Variants in HPS1 observed in about 807,000 individuals in gnomAD.
The protein encoded by HPS1 is HPS1 biogenesis of lysosomal organelles complex 3 subunit 1, also known as BLOC-3 complex member HPS1.
HPS1 carries 59 observed loss-of-function variants against 90.6 expected under a neutral mutation model. The ratio of observed to expected loss-of-function variants is 0.65; its 90% CI spans 0.53 to 0.81. The LOEUF (loss-of-function observed/expected upper bound fraction) is 0.81, where lower values mean the gene tolerates loss of function less well. HPS1 is among the 30% of genes least tolerant of loss of function. The pLI, the probability that HPS1 is intolerant of heterozygous loss-of-function variation, is 0.00. For missense variants in HPS1, 849 were observed against 896.7 expected (o/e 0.95, Z 0.68); for synonymous variants, 388 against 384.4 (o/e 1.01, Z -0.11).
At chr10:98,426,390 G>A (rs2136161557) in intron 11 of HPS1, among the ~76,000 whole-genome samples, 1 of 152,344 alleles carries the variant, frequency 6.6e-6, no homozygotes, top group South Asian at 2.1e-4. Context: ...CATCCCAACA[G>A]CCACTCAAAT....
chr10:98,427,116 C>T (rs553394750), intron 11 of HPS1, 99 bp downstream of exon 11: 71 of 1,010,720 alleles, frequency 7.0e-5, no homozygotes, highest in African/African-American at 6.9e-4. Context: ...AGGGCTGGCA[C>T]GGGTAGAGTC....
chr10:98,424,531 C>G (rs891332656), intron 13 of HPS1, among the ~76,000 whole-genome samples, 157 bp from the exon 14 acceptor site: 1 of 152,198 alleles, frequency 6.6e-6, no homozygotes, highest in Non-Finnish European at 1.5e-5. Context: ...CCCCACCAGC[C>G]CCCTGCAGAC....
chr10:98,440,711 A>T (rs1938268446), intron 3 of HPS1, among the ~76,000 whole-genome samples: 1 of 151,748 alleles, frequency 6.6e-6, no homozygotes, highest in Non-Finnish European at 1.5e-5. Context: ...TGAGAAAAGA[A>T]TGTGTTGCAC....
At chr10:98,418,143 T>A (rs1844352489) in intron 19 of HPS1, 32 bp downstream of exon 19, 1 of 1,430,204 alleles carries the variant, frequency 7.0e-7, no homozygotes, top group Non-Finnish European at 9.8e-7. Context: ...AATGGGGGCA[T>A]CTGTCCCCAG....
intron 3 of HPS1, chr10:98,442,821 T>C (rs1324359544): frequency 4.9e-6 from 2 of 408,166 alleles, no homozygotes; most frequent in African/African-American, 4.1e-5. Flanking sequence ...TTAAACTTTT[T>C]AGGTTACAGA....
intron 11 of HPS1, 164 bp from the exon 12 acceptor site, chr10:98,426,149 G>A (rs796474882): frequency 3.1e-6 from 2 of 640,184 alleles, no homozygotes; most frequent in South Asian, 1.9e-5. Flanking sequence ...CTCCAGTTTC[G>A]CTGTTGCCCC....
chr10:98,422,758 C>T (rs1042510205), intron 16 of HPS1, among the ~76,000 whole-genome samples: 1 of 152,194 alleles, frequency 6.6e-6, no homozygotes, highest in African/African-American at 2.4e-5. Context: ...GCAGTTCTGG[C>T]CCTACAGGAA....
At chr10:98,420,835 T>A (rs1844751159) in intron 17 of HPS1, among the ~76,000 whole-genome samples, 1 of 152,182 alleles carries the variant, frequency 6.6e-6, no homozygotes, top group Non-Finnish European at 1.5e-5. Flanking sequence ...AATCCCCTCC[T>A]CTGCCTGGGG....
chr10:98,446,506 C>CA (rs1303228228), intron 1 of HPS1, among the ~76,000 whole-genome samples: 3 of 152,214 alleles, frequency 2.0e-5, no homozygotes, highest in Non-Finnish European at 2.9e-5. Flanking sequence ...TCTGGGGTCC[C>CA]ACACCTTCGG....
intron 6 of HPS1, among the ~76,000 whole-genome samples, chr10:98,433,639 GT>G (rs1591107712): frequency 6.6e-6 from 1 of 152,066 alleles, no homozygotes; most frequent in Non-Finnish European, 1.5e-5. Context: ...TTAGCGCTGT[GT>G]TTTTCTCCAC....
chr10:98,427,201 C>A lies in HPS1; in HGVS notation c.987+14G>T, dbSNP rs374726162. The A allele has an allele frequency of 7.7e-6, 12 of 1,550,176 alleles. No individual in the cohort carries two copies. The highest frequency in any genetic ancestry group is 4.1e-5 in the African/African-American group (3 of 73,024). On this transcript the variant is annotated intron_variant, in intron 11 of 19. Coordinates refer to ENST00000361490, the MANE Select transcript of HPS1 (RefSeq NM_000195.5). ...AGATCAGCTGGCGCCCAGGCAGGCA[C>A]AGGAGAAACTCACCTGAAGGGCATC...
intron 2 of HPS1, 28 bp from the exon 3 acceptor site, chr10:98,443,268 A>G: frequency 6.5e-7 from 1 of 1,546,480 alleles, no homozygotes; most frequent in Non-Finnish European, 8.9e-7. Context: ...GGTCAAGGTC[A>G]GCCTCCAGCC....
chr10:98,433,412 G>A (rs1289464677), intron 6 of HPS1, among the ~76,000 whole-genome samples: 1 of 152,116 alleles, frequency 6.6e-6, no homozygotes, highest in East Asian at 1.9e-4. Context: ...CTTTAGGAAG[G>A]CAAGGAGTGC....
At chr10:98,444,234 A>G (rs1939030003) in intron 2 of HPS1, among the ~76,000 whole-genome samples, 1 of 151,982 alleles carries the variant, frequency 6.6e-6, no homozygotes, top group African/African-American at 2.4e-5. Flanking sequence ...CAGTGTCTTC[A>G]GCCCTCCCAA....
At chr10:98,439,670 G>T (rs924282938) in intron 3 of HPS1, among the ~76,000 whole-genome samples, 4 of 152,128 alleles carry the variant, frequency 2.6e-5, no homozygotes, top group African/African-American at 9.7e-5. Context: ...CTTCAGTCTT[G>T]GACTTTTTGG....
rs200031327 is a variant in HPS1 at position 98,418,221 on chromosome 10, A to C, written c.1894T>G (p.Ser632Ala). The C allele has an allele frequency of 3.7e-6, 6 of 1,611,024 alleles. No homozygotes were observed. In the Admixed American group the frequency reaches 1.0e-4, roughly 27 times the overall value. ...ATGCCGATAGGCACTGAGTCGTCGG[A>C]GAGGACGGGCACCTCGATCATCTGG... ...KLQMIEVPVL[S>A]DDSVPIGMLG... Residue 632 changes from serine (S) to alanine (A), a missense_variant, in exon 19 of 20, where the codon TCC becomes GCC. Transcript: ENST00000361490.
At chr10:98,428,015 A>G (rs902490667) in intron 10 of HPS1, among the ~76,000 whole-genome samples, 4 of 152,192 alleles carry the variant, frequency 2.6e-5, no homozygotes, top group African/African-American at 9.6e-5. Flanking sequence ...CACTATCAAG[A>G]GAGAGGGACT....
downstream of HPS1, chr10:98,415,247 TCCCCCTCCAGG>T: frequency 1.5e-6 from 2 of 1,374,530 alleles, no homozygotes; most frequent in Non-Finnish European, 1.9e-6. Context: ...GGAGCTGCAG[TCCCCCTCCAGG>T]CCCCCTCCAC....
rs1564852863 is a variant in HPS1, at chr10:98,432,090, G to GCTTT, written c.508-800_508-799insAAAG. Among the ~76,000 whole-genome samples, 4 of 152,334 alleles carry GCTTT rather than the reference G, an allele frequency of 2.6e-5. No homozygotes were observed. In the East Asian group the frequency reaches 7.7e-4, roughly 29 times the overall value. Reference sequence around the variant, plus strand: ...ATATAGAGTTTTCCTGAAACTTAAAGAAGTTTCATGTGACTAGCACTCAGT... The same window carrying GCTTT: ...ATATAGAGTTTTCCTGAAACTTAAAGCTTTAAGTTTCATGTGACTAGCACTCAGT... On this transcript the variant is annotated intron_variant, in intron 6 of 19. Coordinates refer to ENST00000361490, the MANE Select transcript of HPS1 (RefSeq NM_000195.5).
Sources: gnomAD v4.1 joint callset for allele counts (sites outside exome capture counted in the v4.1 genomes callset) on GRCh38, gnomAD v4.1.1 for gene constraint, MANE v1.5 for transcripts, NCBI Gene and HGNC (gene_info 2026-07-23, HGNC 2026-07-21) for gene names.